Variants in ATAT1 observed in about 807,000 individuals in gnomAD.
The protein encoded by ATAT1 is alpha-tubulin N-acetyltransferase 1.
Under a neutral mutation model 57.2 loss-of-function variants are expected in ATAT1, and 42 were observed. That is an observed-to-expected ratio of 0.73 (90% CI 0.57 to 0.95). The LOEUF (loss-of-function observed/expected upper bound fraction) is 0.95, where lower values mean the gene tolerates loss of function less well. Among genes scored for constraint, ATAT1 ranks in the 40% least tolerant of loss-of-function variants. The probability of loss-of-function intolerance (pLI) is 0.00; values close to 1 mark genes in which losing one functional copy is unlikely to be tolerated. For synonymous variants in ATAT1, 168 were observed against 187.1 expected (o/e 0.90, Z 0.83); for missense variants, 454 against 523.7 (o/e 0.87, Z 1.30).
chr6:30,641,642 A>C lies in ATAT1; in HGVS notation c.617-534A>C, dbSNP rs551604876. 1.0e-4 allele frequency: 42 copies of C among 415,032 alleles called. 3 individuals carry two copies. The East Asian group carries it at 1.6e-3, about 16-fold the overall frequency. 25.7% of individuals were successfully genotyped at this position (415,032 alleles called of 1,614,324 possible). On this transcript the variant is annotated intron_variant, in intron 8 of 12. Transcript: ENST00000330083. ...AGCTCCCTTTCAGATGCCCATATTT[A>C]TTTTCTTTTTTTTTTTTAACCTAAT...
In ATAT1 at chr6:30,642,860, CTGGGAAA is replaced by C; in HGVS notation, c.782_788del (p.Leu261ProfsTer56). ...CCACCCACCCCCCCGCTCCAGCAGC[CTGGGAAA>C]CTCACCAGAACGAGGTCCCCTCCGC... On this transcript the variant is annotated frameshift_variant, in exon 10 of 13. Coordinates refer to ENST00000330083, the MANE Select transcript of ATAT1 (RefSeq NM_001031722.4). LOFTEE classifies it high-confidence loss of function. 1 of 1,585,292 alleles carries C rather than the reference CTGGGAAA, an allele frequency of 6.3e-7. No individual in the cohort carries two copies.
chr6:30,641,120 C>CACAA (rs1416077026), intron 8 of ATAT1, among the ~76,000 whole-genome samples: 1 of 151,900 alleles, frequency 6.6e-6, no homozygotes, highest in Non-Finnish European at 1.5e-5. Flanking sequence ...CACACATACA[C>CACAA]ACACACACAC....
chr6:30,641,543 C>T (rs185310278), intron 8 of ATAT1, among the ~76,000 whole-genome samples: 65 of 152,286 alleles, frequency 4.3e-4, no homozygotes, highest in African/African-American at 1.3e-3. Flanking sequence ...AGAGGGAAAG[C>T]CGGGAGCAAG....
chr6:30,632,465 G>T (rs138188178), intron 6 of ATAT1, among the ~76,000 whole-genome samples: 4,935 of 151,720 alleles, frequency 0.033, 135 homozygotes, highest in Non-Finnish European at 0.044. Flanking sequence ...CCAGCTACTT[G>T]GGAGGCTGAG....
intron 6 of ATAT1, among the ~76,000 whole-genome samples, chr6:30,630,143 T>C (rs1762539300): frequency 6.6e-6 from 1 of 151,872 alleles, no homozygotes; most frequent in Non-Finnish European, 1.5e-5. Flanking sequence ...ATAGCGAAAC[T>C]CTGTCTCTAC....
intron 6 of ATAT1, among the ~76,000 whole-genome samples, chr6:30,634,211 A>AT (rs1284605954): frequency 6.6e-6 from 1 of 151,864 alleles, no homozygotes; most frequent in Non-Finnish European, 1.5e-5. Context: ...GTTTGTTTGT[A>AT]TTTTTTATTT....
chr6:30,641,911 C>A, intron 8 of ATAT1: 1 of 1,288,848 alleles, frequency 7.8e-7, no homozygotes, highest in Non-Finnish European at 9.9e-7. Flanking sequence ...TCCTGCATCT[C>A]CCAGGCCCCC....
intron 10 of ATAT1, chr6:30,644,689 C>T (rs1453314795): frequency 4.3e-6 from 4 of 934,946 alleles, no homozygotes; most frequent in Non-Finnish European, 5.1e-6. Context: ...AGTTGTCAGC[C>T]TCATTTGTGC....
chr6:30,646,798 TA>T lies in ATAT1; in HGVS notation c.*159del. On this transcript the variant is annotated 3_prime_UTR_variant, in exon 13 of 13. Coordinates refer to ENST00000330083, the MANE Select transcript of ATAT1 (RefSeq NM_001031722.4). ...CATTTGTATCTTTTAACCAGACCAA[TA>T]AAAGTATTTATTTTTATCACAAGAG... 4.9e-6 allele frequency: 6 copies of T among 1,225,008 alleles called. No homozygotes were observed. The highest frequency in any genetic ancestry group is 6.5e-6 in the Non-Finnish European group (6 of 923,900). The allele number at this position is 1,225,008 out of a possible 1,614,324, so 75.9% of individuals were successfully genotyped here. A position where few individuals can be genotyped will look rare whatever the true frequency, so the allele number is the denominator to read the frequency against.
chr6:30,640,309 G>A (rs754942307), intron 6 of ATAT1, 68 bp from the exon 7 acceptor site: 152 of 1,535,758 alleles, frequency 9.9e-5, no homozygotes, highest in Non-Finnish European at 1.2e-4. Context: ...ACCCAATGAC[G>A]TATTTCTCAG....
In ATAT1 at chr6:30,640,845, T is replaced by C; in HGVS notation, c.616+242T>C. ...GACAGCTGATATCAATGGACCCTCT[T>C]GCCAGTTCAGGTCCGTCAACATAGG... On this transcript the variant is annotated intron_variant, in intron 8 of 12. Transcript: ENST00000330083. The C allele has an allele frequency of 5.1e-6, 3 of 584,556 alleles. No homozygotes were observed. In the South Asian group the frequency reaches 6.4e-5, roughly 12 times the overall value. The allele number at this position is 584,556 out of a possible 1,614,324, so 36.2% of individuals were successfully genotyped here. A position where few individuals can be genotyped will look rare whatever the true frequency, so the allele number is the denominator to read the frequency against.
rs771664418 is a variant in ATAT1 at position 30,646,553 on chromosome 6, G to T, written c.1140G>T (p.Pro380=). The stretch of plus-strand genomic sequence containing the variant: ...CAGCTCCTCCACAGGCCCCGGCCCC[G>T]CCAGCCCAGTCCTGGACAGTGGGTG... The change falls in exon 13 of 13, where the codon CCG becomes CCT. Residue 380 remains proline, a synonymous_variant. Transcript: ENST00000330083. The T allele has an allele frequency of 3.8e-6, 6 of 1,586,166 alleles. No individual in the cohort carries two copies. The African/African-American group carries it at 6.7e-5, about 18-fold the overall frequency.
chr6:30,639,569 C>T (rs867311673), intron 6 of ATAT1, among the ~76,000 whole-genome samples: 20 of 151,606 alleles, frequency 1.3e-4, no homozygotes, highest in East Asian at 1.2e-3. Context: ...CTCTGCCTCC[C>T]GGGTTCACGC....
chr6:30,626,951 G>C lies in ATAT1; in HGVS notation c.-253G>C. On this transcript the variant is annotated 5_prime_UTR_variant, in exon 1 of 13. Transcript: ENST00000330083. ...GGATCACGGTGCTGGACCAGCACCT[G>C]AGGCCCCCAGCCCGCCGACCCGGAA... The C allele has an allele frequency of 6.2e-7, 1 of 1,607,856 alleles. No individual in the cohort carries two copies. Among genetic ancestry groups the C allele is most frequent in the Non-Finnish European group, 8.5e-7 (1 of 1,177,822 alleles).
chr6:30,630,162 CA>C (rs918832473), intron 6 of ATAT1, among the ~76,000 whole-genome samples: 10 of 150,962 alleles, frequency 6.6e-5, no homozygotes, highest in South Asian at 2.1e-4. Context: ...ACAAAAAATA[CA>C]AAAAAAAATT....
chr6:30,639,977 G>A (rs1202428650), intron 6 of ATAT1, among the ~76,000 whole-genome samples: 2 of 151,692 alleles, frequency 1.3e-5, no homozygotes, highest in Non-Finnish European at 2.9e-5. Flanking sequence ...TCTACAAAAA[G>A]TTAAAAAAAA....
In ATAT1 at chr6:30,646,085, A is replaced by G. The variant is rs1766674048; in HGVS notation, c.1031A>G (p.Gln344Arg). Residue 344 changes from glutamine (Q) to arginine (R), a missense_variant, in exon 12 of 13, where the codon CAG becomes CGG. Physicochemically the swap from Gln to Arg is conservative, Grantham distance 43 (BLOSUM62 1). This residue lies in a region of ATAT1 where 216 missense variants were observed against 222.2 expected (regional missense o/e 0.97). Coordinates refer to ENST00000330083, the MANE Select transcript of ATAT1 (RefSeq NM_001031722.4). ...TCCACAGGCAACCAAGACTCCAAGCAGGGAGAACAGGAAACAAAGAATAGG... is the reference window on the plus strand; with the variant it reads ...TCCACAGGCAACCAAGACTCCAAGCGGGGAGAACAGGAAACAAAGAATAGG... 1.2e-6 allele frequency: 2 copies of G among 1,610,418 alleles called. No homozygotes were observed. The highest frequency in any genetic ancestry group is 1.3e-5 in the African/African-American group (1 of 74,788).
rs199617647 is a variant in ATAT1 at position 30,628,058 on chromosome 6, A to C, written c.312A>C (p.Val104=). 6.2e-7 allele frequency: 1 copy of C among 1,613,064 alleles called. No homozygotes were observed. Among genetic ancestry groups the C allele is most frequent in the Non-Finnish European group, 8.5e-7 (1 of 1,180,014 alleles). The change falls in exon 5 of 13, where the codon GTA becomes GTC. Residue 104 remains valine, a synonymous_variant. Coordinates refer to ENST00000330083, the MANE Select transcript of ATAT1 (RefSeq NM_001031722.4). ...ATGATCGTGAGGCTCATAATGAGGTAGAACCACTTTGCATCCTGGACTTTT... is the reference window on the plus strand; with the variant it reads ...ATGATCGTGAGGCTCATAATGAGGTCGAACCACTTTGCATCCTGGACTTTT...
intron 6 of ATAT1, among the ~76,000 whole-genome samples, chr6:30,633,218 C>G (rs1369179584): frequency 6.6e-6 from 1 of 152,130 alleles, no homozygotes; most frequent in East Asian, 1.9e-4. Context: ...GGTAGACCAG[C>G]TTTGGGGGAA....
Sources: allele counts gnomAD v4.1 joint callset (sites outside exome capture counted in the v4.1 genomes callset), GRCh38; gene constraint gnomAD v4.1.1; regional missense constraint gnomAD v4.1.1; transcripts MANE v1.5; gene names NCBI Gene and HGNC (gene_info 2026-07-23, HGNC 2026-07-21).